ABCC1: variants seen among roughly 807,000 people sequenced by gnomAD.
ABCC1 encodes the protein ATP binding cassette subfamily C member 1 (ABCC1 blood group).
ABCC1 carries 83 observed loss-of-function variants against 172.9 expected under a neutral mutation model. The observed-to-expected ratio is 0.48, with a 90% CI of 0.40 to 0.58. ABCC1 has a LOEUF of 0.58. Among genes scored for constraint, ABCC1 ranks in the 20% least tolerant of loss-of-function variants. ABCC1 has a pLI of 0.00. For missense variants in ABCC1, 1,817 were observed against 2,002.7 expected (o/e 0.91, Z 1.77); for synonymous variants, 937 against 825.2 (o/e 1.14, Z -2.32).
chr16:16,138,397 G>T lies in ABCC1; in HGVS notation c.4326G>T (p.Arg1442=). 1.2e-6 allele frequency: 2 copies of T among 1,604,158 alleles called. No homozygotes were observed. Among genetic ancestry groups the T allele is most frequent in the Non-Finnish European group, 1.7e-6 (2 of 1,171,950 alleles). The change falls in exon 30 of 31, where the codon CGG becomes CGT. Residue 1442 remains arginine (R), a synonymous_variant. Coordinates refer to ENST00000399410, the MANE Select transcript of ABCC1 (RefSeq NM_004996.4). ...AGCGCCAGCTTGTGTGCCTAGCCCG[G>T]GCCCTGCTGAGGAAGACGAAGATCC... ...VGQRQLVCLA[R]ALLRKTKILV... is the part of the protein sequence containing the mutation.
intron 12 of ABCC1, among the ~76,000 whole-genome samples, chr16:16,067,558 T>A (rs1402649132): frequency 6.6e-6 from 1 of 152,050 alleles, no homozygotes; most frequent in Admixed American, 6.6e-5. Context: ...ATTTTATAGA[T>A]GAGAAAATAG....
chr16:16,132,483 A>C (rs1461981140), intron 27 of ABCC1, among the ~76,000 whole-genome samples: 1 of 131,286 alleles, frequency 7.6e-6, no homozygotes, highest in Non-Finnish European at 1.6e-5. Flanking sequence ...CCCTGGAAGA[A>C]GTTCTTTTTT....
chr16:16,055,398 A>C (rs2049605232), intron 11 of ABCC1, among the ~76,000 whole-genome samples: 3 of 151,928 alleles, frequency 2.0e-5, no homozygotes, highest in Non-Finnish European at 4.4e-5. Flanking sequence ...AAAAATAGAA[A>C]AATTAGCCAG....
intron 26 of ABCC1, among the ~76,000 whole-genome samples, chr16:16,127,612 C>T (rs139734520): frequency 6.6e-5 from 10 of 152,298 alleles, no homozygotes; most frequent in African/African-American, 1.9e-4. Context: ...CAGACCTAGG[C>T]GTTGAGCCTG....
At chr16:16,041,501 G>A (rs1003245435) in intron 7 of ABCC1, among the ~76,000 whole-genome samples, 1 of 152,062 alleles carries the variant, frequency 6.6e-6, no homozygotes, top group African/African-American at 2.4e-5. Context: ...ATTTACTTGG[G>A]ACATTGGTAG....
At chr16:16,061,045 G>A (rs554836673) in intron 12 of ABCC1, among the ~76,000 whole-genome samples, 9 of 152,008 alleles carry the variant, frequency 5.9e-5, no homozygotes, top group African/African-American at 2.2e-4. Flanking sequence ...CTGCCTCAGC[G>A]TCCGAGTAGC....
chr16:16,023,106 G>T (rs2048249889), intron 5 of ABCC1, among the ~76,000 whole-genome samples: 1 of 152,012 alleles, frequency 6.6e-6, no homozygotes. Context: ...TAGGCGTGAG[G>T]GCTCCTTATG....
intron 21 of ABCC1, among the ~76,000 whole-genome samples, chr16:16,107,081 A>T (rs2052155299): frequency 6.6e-6 from 1 of 152,084 alleles, no homozygotes; most frequent in African/African-American, 2.4e-5. Flanking sequence ...CAGAACTGGG[A>T]TTTGAACCCT....
intron 8 of ABCC1, 75 bp downstream of exon 8, chr16:16,044,755 C>A (rs991409337): frequency 2.2e-6 from 3 of 1,382,154 alleles, no homozygotes; most frequent in Non-Finnish European, 3.1e-6. Flanking sequence ...TCAGTCATAA[C>A]CCTGGGGTCA....
intron 1 of ABCC1, among the ~76,000 whole-genome samples, chr16:15,994,394 C>T (rs910685095): frequency 6.6e-6 from 1 of 152,080 alleles, no homozygotes; most frequent in African/African-American, 2.4e-5. Flanking sequence ...AGAGCCCTTG[C>T]CAGGAAAGGG....
chr16:16,036,390 C>G lies in ABCC1; in HGVS notation c.678-82C>G, dbSNP rs115650654. 1,538 of 1,332,276 alleles carry G rather than the reference C, an allele frequency of 1.2e-3. 16 individuals are homozygous for G. In the African/African-American group the frequency reaches 0.02, roughly 18 times the overall value. 82.5% of individuals were successfully genotyped at this position (1,332,276 alleles called of 1,614,324 possible). A position where few individuals can be genotyped will look rare whatever the true frequency, so the allele number is the denominator to read the frequency against. On this transcript the variant is annotated intron_variant, in intron 6 of 30. Coordinates refer to ENST00000399410, the MANE Select transcript of ABCC1 (RefSeq NM_004996.4). The stretch of plus-strand genomic sequence containing the variant: ...TGCAGAGGGGAGCAGCATCAGCAGG[C>G]GTGTGGAGTGAGTGAGCCCCGTCCT...
intron 10 of ABCC1, among the ~76,000 whole-genome samples, chr16:16,049,025 T>C (rs550188008): frequency 5.9e-5 from 9 of 152,040 alleles, no homozygotes; most frequent in African/African-American, 2.2e-4. Flanking sequence ...GAGGGAACTT[T>C]GGGGCTGCAT....
At chr16:16,091,699 G>C (rs370370219) in intron 19 of ABCC1, among the ~76,000 whole-genome samples, 2 of 152,182 alleles carry the variant, frequency 1.3e-5, no homozygotes, top group East Asian at 1.9e-4. Flanking sequence ...CAGGACGTGG[G>C]GGGCAGGAGA....
chr16:16,089,737 TGTG>T (rs762264662), intron 18 of ABCC1, among the ~76,000 whole-genome samples: 1 of 151,234 alleles, frequency 6.6e-6, no homozygotes, highest in Non-Finnish European at 1.5e-5. Context: ...ATCAGCCAGG[TGTG>T]GTGGCGGGCG....
intron 15 of ABCC1, among the ~76,000 whole-genome samples, chr16:16,077,644 A>G (rs1359692050): frequency 6.6e-6 from 1 of 152,348 alleles, no homozygotes; most frequent in South Asian, 2.1e-4. Flanking sequence ...GCACAGGAAC[A>G]AAAAGCCTGA....
chr16:15,980,516 C>G (rs1476958175), intron 1 of ABCC1, among the ~76,000 whole-genome samples: 1 of 152,108 alleles, frequency 6.6e-6, no homozygotes, highest in Non-Finnish European at 1.5e-5. Flanking sequence ...AGGAGAAGTG[C>G]TGAGCAAAAG....
chr16:16,069,919 G>C (rs753061599), intron 13 of ABCC1, among the ~76,000 whole-genome samples: 1 of 152,136 alleles, frequency 6.6e-6, no homozygotes, highest in Non-Finnish European at 1.5e-5. Flanking sequence ...AGCTAATCTG[G>C]AGGCTGAGAC....
intron 7 of ABCC1, among the ~76,000 whole-genome samples, chr16:16,041,056 T>C (rs1221241608): frequency 6.6e-6 from 1 of 151,790 alleles, no homozygotes; most frequent in African/African-American, 2.4e-5. Flanking sequence ...GCTTCCCTAG[T>C]AGCTGGGACT....
In ABCC1 at chr16:16,124,855, G is replaced by A; in HGVS notation, c.3657G>A (p.Val1219=). Residue 1219 remains valine (V), a synonymous_variant, in exon 25 of 31, where the codon GTG becomes GTA. Coordinates refer to ENST00000399410, the MANE Select transcript of ABCC1 (RefSeq NM_004996.4). ...CIVLFAALFA[V]ISRHSLSAGL... is the part of the protein sequence containing the mutation. Reference sequence around the variant, plus strand: ...TTCTGTTTGCTGCCCTGTTTGCGGTGATCTCCAGGCACAGCCTCAGTGCTG... The same window carrying A: ...TTCTGTTTGCTGCCCTGTTTGCGGTAATCTCCAGGCACAGCCTCAGTGCTG... 1.2e-6 allele frequency: 2 copies of A among 1,614,190 alleles called. No homozygotes were observed.
Sources: allele counts gnomAD v4.1 joint callset (sites outside exome capture counted in the v4.1 genomes callset), GRCh38; gene constraint gnomAD v4.1.1; transcripts MANE v1.5; gene names NCBI Gene and HGNC (gene_info 2026-07-23, HGNC 2026-07-21).